OTC: variants seen among roughly 807,000 people sequenced by gnomAD.
OTC encodes the protein ornithine transcarbamylase, also known as ornithine transcarbamylase, mitochondrial.
Under a neutral mutation model 30.3 loss-of-function variants are expected in OTC, and 3 were observed. That is an observed-to-expected ratio of 0.10 (90% CI 0.05 to 0.26). OTC has a LOEUF of 0.26. Ranked by LOEUF, OTC falls within the 10% of genes least tolerant of loss-of-function variation. OTC has a pLI of 1.00. For synonymous variants in OTC, 111 were observed against 99.7 expected (o/e 1.11, Z -0.67); for missense variants, 194 against 260.3 (o/e 0.75, Z 1.75).
At chrX:38,405,244 G>C (rs745437856) in intron 6 of OTC, among the ~76,000 whole-genome samples, 2 of 111,673 alleles carry the variant, frequency 1.8e-5, no homozygotes, top group Non-Finnish European at 3.8e-5. Context: ...TTGCTGTCTT[G>C]GATTCTTAGG....
intron 1 of OTC, among the ~76,000 whole-genome samples, chrX:38,357,932 G>A (rs533519980): frequency 9.0e-6 from 1 of 111,684 alleles, no homozygotes; most frequent in South Asian, 3.8e-4. Flanking sequence ...GTATTTGTAC[G>A]TGCTTCTCAT....
intron 2 of OTC, 135 bp downstream of exon 2, chrX:38,367,564 G>A: frequency 1.8e-6 from 1 of 546,137 alleles, no homozygotes; most frequent in South Asian, 2.8e-5. Flanking sequence ...CACAGTCAAG[G>A]TAATTGATTA....
chrX:38,342,445 CAT>C, the OTC span, among the ~76,000 whole-genome samples: 1 of 111,552 alleles, frequency 9.0e-6, no homozygotes, highest in East Asian at 2.8e-4. Context: ...CCTCTCACCA[CAT>C]GTGCCAATGG....
chrX:38,419,859 G>T (rs974436506), intron 9 of OTC, among the ~76,000 whole-genome samples: 1 of 111,274 alleles, frequency 9.0e-6, no homozygotes, highest in Non-Finnish European at 1.9e-5. Flanking sequence ...GAGGATGGGG[G>T]ATGGGAAGGA....
chrX:38,397,338 C>T (rs1343388142), intron 4 of OTC, among the ~76,000 whole-genome samples: 25 of 112,001 alleles, frequency 2.2e-4, no homozygotes, highest in Non-Finnish European at 4.3e-4. Flanking sequence ...TTCAGCAGTG[C>T]CTCTGCCATT....
At chrX:38,403,487 A>G in intron 5 of OTC, 131 bp from the exon 6 acceptor site, 1 of 673,487 alleles carries the variant, frequency 1.5e-6, no homozygotes, top group South Asian at 2.3e-5. Flanking sequence ...GTAATGCAAA[A>G]AAATTGGGAA....
chrX:38,381,306 T>C (rs868165030), intron 3 of OTC, 36 bp from the exon 4 acceptor site: 2 of 1,063,015 alleles, frequency 1.9e-6, no homozygotes, highest in East Asian at 3.0e-5. Context: ...TTAGTTGTTT[T>C]TTCAAAATGA....
chrX:38,391,419 C>G (rs1412778194), intron 4 of OTC, among the ~76,000 whole-genome samples: 2 of 111,350 alleles, frequency 1.8e-5, no homozygotes, highest in African/African-American at 3.3e-5. Context: ...CTAAGGCACT[C>G]TTTATATACT....
At chrX:38,368,996 G>A (rs1431721222) in intron 2 of OTC, among the ~76,000 whole-genome samples, 1 of 109,491 alleles carries the variant, frequency 9.1e-6, no homozygotes, top group East Asian at 2.9e-4. Flanking sequence ...ACTTCCAGAA[G>A]CAAAGTCTTT....
At chrX:38,407,536 G>C (rs2068521422) in intron 6 of OTC, among the ~76,000 whole-genome samples, 1 of 111,777 alleles carries the variant, frequency 8.9e-6, no homozygotes. Flanking sequence ...TGTTTGAACT[G>C]ACAAGACTTC....
At chrX:38,345,303 T>C in the OTC span, among the ~76,000 whole-genome samples, 2 of 111,827 alleles carry the variant, frequency 1.8e-5, no homozygotes, top group African/African-American at 6.5e-5. Context: ...ACTTAGTTTA[T>C]AGTTTATGGT....
chrX:38,358,256 G>C (rs536329456), intron 1 of OTC, among the ~76,000 whole-genome samples: 5 of 109,719 alleles, frequency 4.6e-5, no homozygotes, highest in African/African-American at 1.7e-4. Flanking sequence ...GAAAATGCTT[G>C]CTACAGACCA....
At chrX:38,357,238 T>G (rs1158061276) in intron 1 of OTC, among the ~76,000 whole-genome samples, 1 of 112,532 alleles carries the variant, frequency 8.9e-6, no homozygotes, top group Non-Finnish European at 1.9e-5. Flanking sequence ...AATTCAAATA[T>G]TTAAAGGCAC....
At chrX:38,399,337 C>T (rs557559343) in intron 4 of OTC, among the ~76,000 whole-genome samples, 1 of 110,719 alleles carries the variant, frequency 9.0e-6, no homozygotes, top group African/African-American at 3.3e-5. Context: ...TTTGGCAGCA[C>T]GTTACAATAT....
At chrX:38,352,432 T>G, upstream of OTC, 1 of 343,995 alleles carries the variant, frequency 2.9e-6, no homozygotes, top group South Asian at 3.7e-5. Flanking sequence ...TTATGAAAAA[T>G]GAGGAGGCCA....
chrX:38,397,234 T>C (rs1156908598), intron 4 of OTC, among the ~76,000 whole-genome samples: 1 of 112,049 alleles, frequency 8.9e-6, no homozygotes, highest in Non-Finnish European at 1.9e-5. Context: ...ATCATGTCCC[T>C]TTAGAAGCAT....
chrX:38,408,682 A>G, intron 6 of OTC, 60 bp from the exon 7 acceptor site: 1 of 775,595 alleles, frequency 1.3e-6, no homozygotes, highest in Admixed American at 2.5e-5. Flanking sequence ...AATAATATAT[A>G]TTTAAGAAAA....
chrX:38,409,214 G>A (rs1338073828), intron 8 of OTC, among the ~76,000 whole-genome samples, 189 bp downstream of exon 8: 2 of 111,838 alleles, frequency 1.8e-5, no homozygotes, highest in African/African-American at 6.5e-5. Context: ...GCATTTTTGT[G>A]CTGGATGAAG....
At chrX:38,383,723 G>A (rs1287636119) in intron 4 of OTC, among the ~76,000 whole-genome samples, 3 of 109,931 alleles carry the variant, frequency 2.7e-5, no homozygotes, top group East Asian at 2.8e-4. Flanking sequence ...GCTTAAACTC[G>A]GGAGGCGGAG....
Sources: allele counts gnomAD v4.1 joint callset (sites outside exome capture counted in the v4.1 genomes callset), GRCh38; gene constraint gnomAD v4.1.1; transcripts MANE v1.5; gene names NCBI Gene and HGNC (gene_info 2026-07-23, HGNC 2026-07-21).